ING3: variants seen among roughly 807,000 people sequenced by gnomAD.
ING3 encodes inhibitor of growth family member 3.
In ING3, 6 loss-of-function variants were observed where a neutral mutation model predicts 64.8. That is an observed-to-expected ratio of 0.09 (90% CI 0.05 to 0.18). The LOEUF is 0.18. Among genes scored for constraint, ING3 ranks in the 10% least tolerant of loss-of-function variants. The probability of loss-of-function intolerance (pLI) is 1.00; values close to 1 mark genes in which losing one functional copy is unlikely to be tolerated. For synonymous variants in ING3, 170 were observed against 173.7 expected (o/e 0.98, Z 0.17); for missense variants, 310 against 489.7 (o/e 0.63, Z 3.46).
At chr7:120,961,671 A>G (rs947043865) in intron 4 of ING3, among the ~76,000 whole-genome samples, 5 of 152,226 alleles carry the variant, frequency 3.3e-5, no homozygotes, top group Admixed American at 2.6e-4. Flanking sequence ...TAAATTTGCT[A>G]TGATCATGAG....
chr7:120,966,204 A>T (rs1181587921), intron 5 of ING3, among the ~76,000 whole-genome samples: 4 of 152,138 alleles, frequency 2.6e-5, no homozygotes, highest in Admixed American at 6.5e-5. Context: ...TGATCAAATA[A>T]TTTTTTTCAT....
chr7:120,955,516 A>T (rs1795832897), intron 3 of ING3, 43 bp from the exon 4 acceptor site: 8 of 1,309,148 alleles, frequency 6.1e-6, no homozygotes, highest in Non-Finnish European at 8.7e-6. Context: ...TGAATATTTT[A>T]AAATGATTAA....
intron 4 of ING3, among the ~76,000 whole-genome samples, chr7:120,961,412 T>G (rs1795931698): frequency 6.6e-6 from 1 of 152,198 alleles, no homozygotes. Context: ...CAGACTTGAT[T>G]GCCTCTTCCG....
chr7:120,965,266 G>T (rs1795982260), intron 5 of ING3, among the ~76,000 whole-genome samples: 1 of 152,094 alleles, frequency 6.6e-6, no homozygotes, highest in South Asian at 2.1e-4. Flanking sequence ...TACTGAAAAA[G>T]ACTCACATTG....
intron 4 of ING3, chr7:120,956,185 C>A: frequency 2.5e-6 from 4 of 1,609,186 alleles, no homozygotes; most frequent in Non-Finnish European, 3.4e-6. Flanking sequence ...ATTGAAAACA[C>A]CAAGAAGATA....
chr7:120,974,354 G>T (rs1017814354), intron 11 of ING3, among the ~76,000 whole-genome samples: 6 of 152,110 alleles, frequency 3.9e-5, no homozygotes, highest in Admixed American at 3.9e-4. Flanking sequence ...TACTTTATGA[G>T]ACAGCAAATA....
intron 2 of ING3, among the ~76,000 whole-genome samples, chr7:120,952,730 TAAC>T (rs960472081): frequency 2.6e-5 from 4 of 151,786 alleles, no homozygotes; most frequent in East Asian, 1.9e-4. Context: ...TCAACTTACA[TAAC>T]AACAGAATCT....
chr7:120,974,000 G>C lies in ING3; in HGVS notation c.1141-728G>C, dbSNP rs573350626. 7.9e-4 allele frequency among the ~76,000 whole-genome samples: 121 copies of C among 152,296 alleles called. 1 individual carries two copies. Among genetic ancestry groups the C allele is most frequent in the African/African-American group, 2.8e-3 (116 of 41,572 alleles). On this transcript the variant is annotated intron_variant, in intron 11 of 11. Transcript: ENST00000315870. ...CAACATGCTCACGTAGATTGGGACA[G>C]AGCCTCCTTCTGTTTCCCTGTCTAG...
At chr7:120,966,581 G>T (rs755923184) in intron 5 of ING3, 45 bp from the exon 6 acceptor site, 1 of 1,410,232 alleles carries the variant, frequency 7.1e-7, no homozygotes, top group East Asian at 2.3e-5. Context: ...GAAGTTCTGC[G>T]GTGACATTTA....
intron 4 of ING3, 95 bp from the exon 5 acceptor site, chr7:120,964,647 C>A: frequency 1.2e-6 from 1 of 850,714 alleles, no homozygotes; most frequent in South Asian, 1.5e-5. Context: ...TAAGCAGATT[C>A]ACTAAAAGAA....
rs563779261 is a variant in ING3, at chr7:120,964,721, C to G, written c.268-21C>G. The G allele has an allele frequency of 3.1e-6, 5 of 1,606,676 alleles. No homozygotes were observed. The East Asian group carries it at 6.7e-5, about 22-fold the overall frequency. On this transcript the variant is annotated intron_variant, in intron 4 of 11. Transcript: ENST00000315870. ...CAGTGTCCCAAATTTTGGTGGTTAT[C>G]TTTGATCTTCTTTGAAACAGGTAGA... is the stretch of plus-strand genomic sequence containing the variant.
chr7:120,959,061 T>G (rs923679816), intron 4 of ING3, among the ~76,000 whole-genome samples: 1 of 152,232 alleles, frequency 6.6e-6, no homozygotes, highest in Non-Finnish European at 1.5e-5. Flanking sequence ...TTCTTGACCT[T>G]GTATTACCAT....
rs368378984 is a variant in ING3 at position 120,953,293 on chromosome 7, T to C, written c.101-11T>C. ...GGTCATTTAATATGAATTTTTTTTA[T>C]TATGTCATAGATGCAATGGATCAAC... On this transcript the variant is annotated splice_polypyrimidine_tract_variant and intron_variant, in intron 2 of 11. Transcript: ENST00000315870. 8.0e-5 allele frequency: 121 copies of C among 1,511,316 alleles called. No individual in the cohort carries two copies. The highest frequency in any genetic ancestry group is 1.0e-4 in the Non-Finnish European group (111 of 1,112,602). The allele number at this position is 1,511,316 out of a possible 1,614,324, so 93.6% of individuals were successfully genotyped here. A position where few individuals can be genotyped will look rare whatever the true frequency, so the allele number is the denominator to read the frequency against.
In ING3 at chr7:120,976,236, T is replaced by C. The variant is rs918201172; in HGVS notation, c.*1392T>C. The C allele has an allele frequency of 1.3e-5, 2 of 152,176 alleles. No individual in the cohort carries two copies. Among genetic ancestry groups the C allele is most frequent in the Non-Finnish European group, 2.9e-5 (2 of 68,012 alleles). The allele number at this position is 152,176 out of a possible 1,614,324, so 9.4% of individuals were successfully genotyped here. On this transcript the variant is annotated 3_prime_UTR_variant, in exon 12 of 12. Coordinates refer to ENST00000315870, the MANE Select transcript of ING3 (RefSeq NM_019071.3). ...TTTAAGATACTTAATATATCATATA[T>C]ATTTTATATTGAAACTTACTGGGTC...
In ING3 at chr7:120,974,854, T is replaced by C. The variant is rs772404076; in HGVS notation, c.*10T>C. 1.3e-6 allele frequency: 2 copies of C among 1,552,152 alleles called. No individual in the cohort carries two copies. The highest frequency in any genetic ancestry group is 1.7e-4 in the Middle Eastern group (1 of 5,912). On this transcript the variant is annotated 3_prime_UTR_variant, in exon 12 of 12. Coordinates refer to ENST00000315870, the MANE Select transcript of ING3 (RefSeq NM_019071.3). ...CAGCAGACACAAATAAAGGTGGTCC[T>C]TTTGTTTGATGAAGAAATAAACTTC...
rs766569617 is a variant in ING3 at position 120,957,137 on chromosome 7, C to T, written c.267+1513C>T. Among the ~76,000 whole-genome samples, 13 of 151,928 alleles carry T rather than the reference C, an allele frequency of 8.6e-5. No homozygotes were observed. The East Asian group carries it at 2.3e-3, about 27-fold the overall frequency. On this transcript the variant is annotated intron_variant, in intron 4 of 11. Coordinates refer to ENST00000315870, the MANE Select transcript of ING3 (RefSeq NM_019071.3). ...CTGTAATCCCAGCACTTTGGGAGGC[C>T]GAGGAGAGTAGATCACGAGATCAGG... is the stretch of plus-strand genomic sequence containing the variant.
chr7:120,966,230 A>G (rs951262468), intron 5 of ING3, among the ~76,000 whole-genome samples: 4 of 152,116 alleles, frequency 2.6e-5, no homozygotes, highest in African/African-American at 9.7e-5. Flanking sequence ...AATGTCCCCC[A>G]TCACGTAGAA....
Position 120,953,413 on chromosome 7 carries a change from A to G in ING3, c.201+9A>G, listed in dbSNP as rs1471616992. 2 of 1,505,332 alleles carry G rather than the reference A, an allele frequency of 1.3e-6. No homozygotes were observed. The highest frequency in any genetic ancestry group is 1.8e-6 in the Non-Finnish European group (2 of 1,088,582). The allele number at this position is 1,505,332 out of a possible 1,614,324, so 93.2% of individuals were successfully genotyped here. On this transcript the variant is annotated intron_variant, in intron 3 of 11. Transcript: ENST00000315870. ...TGGCATCCATCAAAAAAGTATGTGC[A>G]ACACTTTGGATAATTTATCAAGAAA...
chr7:120,974,583 A>C (rs1584996723), intron 11 of ING3, 145 bp from the exon 12 acceptor site: 1 of 477,050 alleles, frequency 2.1e-6, no homozygotes, highest in Admixed American at 3.6e-5. Context: ...AATGATGTCT[A>C]AATAATCTAG....
Sources: allele counts gnomAD v4.1 joint callset (sites outside exome capture counted in the v4.1 genomes callset), GRCh38; gene constraint gnomAD v4.1.1; transcripts MANE v1.5; gene names NCBI Gene and HGNC (gene_info 2026-07-23, HGNC 2026-07-21).